The following SYT13 variants were observed in gnomAD, a reference collection of about 807,000 sequenced individuals.
SYT13 encodes the protein synaptotagmin-13.
SYT13 carries 21 observed loss-of-function variants against 38.6 expected under a neutral mutation model. That is an observed-to-expected ratio of 0.54 (90% CI 0.39 to 0.78). SYT13 has a LOEUF of 0.78. SYT13 is among the 30% of genes least tolerant of loss of function. SYT13 has a pLI of 0.00. For missense variants in SYT13, 495 were observed against 548.7 expected (o/e 0.90, Z 0.98); for synonymous variants, 241 against 237.6 (o/e 1.01, Z -0.13).
intron 1 of SYT13, chr11:45,269,472 G>T: frequency 7.8e-7 from 1 of 1,285,536 alleles, no homozygotes; most frequent in Non-Finnish European, 1.0e-6. Context: ...AAGCCCTTTG[G>T]CCACCACCTC....
At chr11:45,276,411 A>G (rs1855010596) in intron 1 of SYT13, among the ~76,000 whole-genome samples, 1 of 152,150 alleles carries the variant, frequency 6.6e-6, no homozygotes. Flanking sequence ...AGAGAGGAAC[A>G]TTACACACCG....
At chr11:45,263,243 G>A (rs1854841677) in intron 1 of SYT13, among the ~76,000 whole-genome samples, 1 of 152,232 alleles carries the variant, frequency 6.6e-6, no homozygotes, top group Non-Finnish European at 1.5e-5. Context: ...CAGAATATGG[G>A]AGTAAACAGG....
Position 45,255,656 on chromosome 11 carries a change from A to G in SYT13, c.409+10T>C. 6.2e-7 allele frequency: 1 copy of G among 1,607,598 alleles called. No individual in the cohort carries two copies. The highest frequency in any genetic ancestry group is 8.5e-7 in the Non-Finnish European group (1 of 1,174,530). On this transcript the variant is annotated intron_variant, in intron 2 of 5. Transcript: ENST00000020926. ...TGCCCATGGAAGTGCAGGGGGCAGG[A>G]GACCCCTACCATTCTGAGGGAGGAT...
chr11:45,269,618 C>G, intron 1 of SYT13: 1 of 475,554 alleles, frequency 2.1e-6, no homozygotes, highest in Non-Finnish European at 3.4e-6. Context: ...TAAAAAATAA[C>G]CTAATTATTT....
At chr11:45,262,674 C>T (rs2135898593) in intron 1 of SYT13, among the ~76,000 whole-genome samples, 1 of 148,462 alleles carries the variant, frequency 6.7e-6, no homozygotes, top group African/African-American at 2.5e-5. Flanking sequence ...TGTAGTGAGC[C>T]GAGATTGCAC....
At position 45,243,925 on chromosome 11, in the gene SYT13, GC is replaced by G; in HGVS notation, c.*126del. The stretch of plus-strand genomic sequence containing the variant: ...TAAGAAACAAGAGTATGATGAGAGA[GC>G]CATCCCAGCCTTGCAAACACATCTG... On this transcript the variant is annotated 3_prime_UTR_variant, in exon 6 of 6. Transcript: ENST00000020926. 2 of 985,476 alleles carry G rather than the reference GC, an allele frequency of 2.0e-6. No homozygotes were observed. Among genetic ancestry groups the G allele is most frequent in the Non-Finnish European group, 3.0e-6 (2 of 665,878 alleles). The allele number at this position is 985,476 out of a possible 1,614,324, so 61.0% of individuals were successfully genotyped here.
intron 3 of SYT13, chr11:45,253,889 T>C (rs1854708573): frequency 6.4e-6 from 1 of 156,552 alleles, no homozygotes; most frequent in Admixed American, 6.5e-5. Context: ...CAAGCGGAAG[T>C]GACGTCCACC....
At chr11:45,258,684 T>G (rs1007223058) in intron 1 of SYT13, among the ~76,000 whole-genome samples, 1 of 151,914 alleles carries the variant, frequency 6.6e-6, no homozygotes, top group African/African-American at 2.4e-5. Context: ...CAATCAGGGG[T>G]GCCTGGGAGG....
intron 1 of SYT13, among the ~76,000 whole-genome samples, chr11:45,259,002 A>G (rs1854784271): frequency 6.6e-6 from 1 of 152,226 alleles, no homozygotes; most frequent in Non-Finnish European, 1.5e-5. Context: ...GGTATGTATC[A>G]TCCAGCCTCC....
At chr11:45,272,247 GA>G (rs1278196296) in intron 1 of SYT13, among the ~76,000 whole-genome samples, 1 of 152,208 alleles carries the variant, frequency 6.6e-6, no homozygotes, top group Non-Finnish European at 1.5e-5. Flanking sequence ...TAATATAGGT[GA>G]TGAGTTGATG....
At chr11:45,246,931 A>G (rs973052710) in intron 4 of SYT13, among the ~76,000 whole-genome samples, 2 of 152,176 alleles carry the variant, frequency 1.3e-5, no homozygotes, top group Non-Finnish European at 2.9e-5. Context: ...TGGACCCATC[A>G]GGTTCCTGGG....
intron 1 of SYT13, among the ~76,000 whole-genome samples, chr11:45,270,300 C>CT (rs1005620580): frequency 6.6e-6 from 1 of 152,158 alleles, no homozygotes; most frequent in East Asian, 1.9e-4. Flanking sequence ...ATCCTTTAGA[C>CT]TTTTTTTTCT....
chr11:45,267,133 G>A (rs1370747230), intron 1 of SYT13, among the ~76,000 whole-genome samples: 1 of 152,212 alleles, frequency 6.6e-6, no homozygotes, highest in Non-Finnish European at 1.5e-5. Context: ...TGAGTCCGTA[G>A]AGTTCAGTTC....
chr11:45,255,341 T>C (rs1854731061), intron 2 of SYT13, among the ~76,000 whole-genome samples: 1 of 152,156 alleles, frequency 6.6e-6, no homozygotes, highest in African/African-American at 2.4e-5. Flanking sequence ...AATAAGTGTA[T>C]GAAAGGGCAG....
chr11:45,276,974 A>G (rs1348830090), intron 1 of SYT13, among the ~76,000 whole-genome samples: 1 of 152,210 alleles, frequency 6.6e-6, no homozygotes, highest in Admixed American at 6.5e-5. Flanking sequence ...ACTATTCACA[A>G]TGGCCAAAAG....
chr11:45,252,750 T>A lies in SYT13; in HGVS notation c.545-28A>T. ...GCAGGCAAGGAGAACAACACAGGCG[T>A]GGGACTTTCTGAGGACAAGTGGAGG... On this transcript the variant is annotated intron_variant, in intron 3 of 5. Transcript: ENST00000020926. This position sits in a 1 kb window ranked among gnomAD's most constrained non-coding sequence, Gnocchi z 4.3. 9.8e-6 allele frequency: 15 copies of A among 1,529,604 alleles called. No individual in the cohort carries two copies. The highest frequency in any genetic ancestry group is 1.2e-5 in the Non-Finnish European group (14 of 1,133,402). 94.8% of individuals were successfully genotyped at this position (1,529,604 alleles called of 1,614,324 possible).
At chr11:45,274,779 A>G (rs185524114) in intron 1 of SYT13, among the ~76,000 whole-genome samples, 6 of 152,282 alleles carry the variant, frequency 3.9e-5, no homozygotes, top group African/African-American at 1.2e-4. Context: ...AGTCTTTGCA[A>G]TCCTGCCTCA....
At chr11:45,263,122 CCAGTAATAA>C (rs1565386773) in intron 1 of SYT13, among the ~76,000 whole-genome samples, 2 of 152,114 alleles carry the variant, frequency 1.3e-5, no homozygotes, top group African/African-American at 2.4e-5. Flanking sequence ...GGCTCTGCCT[CCAGTAATAA>C]TCCAGGCAGA....
At chr11:45,247,382 C>G (rs764552014) in intron 4 of SYT13, among the ~76,000 whole-genome samples, 3 of 152,140 alleles carry the variant, frequency 2.0e-5, no homozygotes, top group Admixed American at 2.0e-4. Flanking sequence ...GCCCTTCCCT[C>G]GAAATCCCAA....
Sources: gnomAD v4.1 joint callset for allele counts (sites outside exome capture counted in the v4.1 genomes callset) on GRCh38, gnomAD v4.1.1 for gene constraint, Gnocchi (gnomAD v3.1) non-coding constraint, MANE v1.5 for transcripts, NCBI Gene and HGNC (gene_info 2026-07-23, HGNC 2026-07-21) for gene names.